GRID1: variants seen among roughly 807,000 people sequenced by gnomAD.
GRID1 encodes glutamate receptor ionotropic, delta-1.
A neutral mutation model predicts 98.0 loss-of-function variants in GRID1; 28 were observed. The ratio of observed to expected loss-of-function variants is 0.29; its 90% CI spans 0.21 to 0.39. The LOEUF is 0.39. Ranked by LOEUF, GRID1 falls within the 10% of genes least tolerant of loss-of-function variation. GRID1 has a pLI of 1.00. For synonymous variants in GRID1, 553 were observed against 538.5 expected (o/e 1.03, Z -0.37); for missense variants, 1,111 against 1,340.5 (o/e 0.83, Z 2.67).
intron 4 of GRID1, among the ~76,000 whole-genome samples, chr10:86,117,572 C>T (rs1844602545): frequency 6.6e-6 from 1 of 151,616 alleles, no homozygotes; most frequent in Non-Finnish European, 1.5e-5. Flanking sequence ...ACTGCTATCA[C>T]TATCACCACC....
At chr10:86,304,379 C>G (rs1164415636) in intron 2 of GRID1, among the ~76,000 whole-genome samples, 1 of 152,250 alleles carries the variant, frequency 6.6e-6, no homozygotes, top group Non-Finnish European at 1.5e-5. Context: ...CCACCCTCAG[C>G]TGCCTCACTC....
chr10:85,864,588 A>C lies in GRID1; in HGVS notation c.951+4422T>G, dbSNP rs117469238. Among the ~76,000 whole-genome samples, 58 of 152,318 alleles carry C rather than the reference A, an allele frequency of 3.8e-4. No individual in the cohort carries two copies. The East Asian group carries it at 0.01, about 27-fold the overall frequency. On this transcript the variant is annotated intron_variant, in intron 6 of 15. Transcript: ENST00000327946. ...AAGTAAACCATTGAAAGTGACATGA[A>C]ATCCAAGGTAGCTGGTATGGGGAGG... is the stretch of plus-strand genomic sequence containing the variant.
chr10:85,826,477 T>C (rs1378845801), intron 8 of GRID1, among the ~76,000 whole-genome samples: 1 of 152,144 alleles, frequency 6.6e-6, no homozygotes, highest in Non-Finnish European at 1.5e-5. Flanking sequence ...GTGAACATGT[T>C]CACAGATGCC....
At chr10:85,660,775 C>A (rs984895127) in intron 12 of GRID1, among the ~76,000 whole-genome samples, 1 of 152,094 alleles carries the variant, frequency 6.6e-6, no homozygotes, top group African/African-American at 2.4e-5. Context: ...GGGAACATGG[C>A]ACTTCCTTGC....
At position 85,785,158 on chromosome 10, in the gene GRID1, G is replaced by A. The variant is rs544661992; in HGVS notation, c.1234-55544C>T. On this transcript the variant is annotated intron_variant, in intron 8 of 15. Coordinates refer to ENST00000327946, the MANE Select transcript of GRID1 (RefSeq NM_017551.3). The stretch of plus-strand genomic sequence containing the variant: ...CTAGCAATCAGGAACACTCATTTTG[G>A]ATTTTACACGAATGAGAAATAAACT... Among the ~76,000 whole-genome samples, 17 of 152,322 alleles carry A rather than the reference G, an allele frequency of 1.1e-4. 1 individual carries two copies. The highest frequency in any genetic ancestry group is 5.9e-4 in the Admixed American group (9 of 15,296).
intron 5 of GRID1, among the ~76,000 whole-genome samples, chr10:85,902,880 C>G (rs1400167268): frequency 6.6e-6 from 1 of 152,124 alleles, no homozygotes; most frequent in Admixed American, 6.5e-5. Context: ...GGTTTCTTCA[C>G]TTGGCTTCTG....
intron 8 of GRID1, among the ~76,000 whole-genome samples, chr10:85,733,861 T>A: frequency 6.6e-6 from 1 of 152,226 alleles, no homozygotes; most frequent in East Asian, 1.9e-4. Flanking sequence ...GATACGTGGA[T>A]ATATGTGTTA....
At chr10:86,073,667 C>T (rs979561830) in intron 4 of GRID1, among the ~76,000 whole-genome samples, 4 of 152,188 alleles carry the variant, frequency 2.6e-5, no homozygotes, top group South Asian at 4.1e-4. Context: ...CATTGAGCTC[C>T]GGATCATAAG....
chr10:85,865,972 G>C (rs1456054711), intron 6 of GRID1, among the ~76,000 whole-genome samples: 1 of 105,046 alleles, frequency 9.5e-6, no homozygotes, highest in African/African-American at 3.7e-5. Flanking sequence ...GAGAGAGAGA[G>C]AGAGAGAGAG....
chr10:85,830,628 A>T (rs571173100), intron 8 of GRID1, among the ~76,000 whole-genome samples: 3 of 152,242 alleles, frequency 2.0e-5, no homozygotes, highest in Middle Eastern at 3.4e-3. Flanking sequence ...CAAGCAAAAG[A>T]CAACCCCATT....
intron 4 of GRID1, among the ~76,000 whole-genome samples, chr10:86,105,517 C>T (rs1259661772): frequency 6.6e-6 from 1 of 152,210 alleles, no homozygotes; most frequent in Admixed American, 6.5e-5. Flanking sequence ...GAGTCCTAGC[C>T]TTCTGAGGCA....
intron 4 of GRID1, among the ~76,000 whole-genome samples, chr10:86,083,422 T>A (rs1045856899): frequency 1.3e-5 from 2 of 152,216 alleles, no homozygotes; most frequent in African/African-American, 4.8e-5. Flanking sequence ...ATGGTGGTTT[T>A]GCACAATGTG....
At chr10:86,131,988 G>T (rs1282455179) in intron 4 of GRID1, among the ~76,000 whole-genome samples, 4 of 152,180 alleles carry the variant, frequency 2.6e-5, no homozygotes, top group African/African-American at 9.7e-5. Flanking sequence ...CAAGGAGGGA[G>T]ATGCAATAGA....
chr10:86,254,818 G>A (rs1846892797), intron 2 of GRID1, among the ~76,000 whole-genome samples: 1 of 152,242 alleles, frequency 6.6e-6, no homozygotes, highest in Non-Finnish European at 1.5e-5. Flanking sequence ...GTTCCTGCAA[G>A]CGAACCTGGC....
At chr10:85,962,204 CCCTTCCCTTCCCT>C (rs138729124) in intron 4 of GRID1, among the ~76,000 whole-genome samples, 2 of 152,188 alleles carry the variant, frequency 1.3e-5, no homozygotes, top group African/African-American at 2.4e-5. Context: ...GGGTCTGCCA[CCCTTCCCTTCCCT>C]CCTTCCCTTC....
At chr10:85,877,271 A>G (rs1410402007) in intron 5 of GRID1, among the ~76,000 whole-genome samples, 2 of 152,216 alleles carry the variant, frequency 1.3e-5, no homozygotes, top group East Asian at 1.9e-4. Flanking sequence ...CTCCCAGCAC[A>G]CAGCTGGAGA....
At chr10:85,782,697 C>T (rs915082828) in intron 8 of GRID1, among the ~76,000 whole-genome samples, 3 of 152,216 alleles carry the variant, frequency 2.0e-5, no homozygotes, top group South Asian at 2.1e-4. Flanking sequence ...AAGGCCCTGA[C>T]GTAGATGCAT....
intron 4 of GRID1, among the ~76,000 whole-genome samples, chr10:86,043,023 A>C (rs538820157): frequency 7.9e-5 from 12 of 152,206 alleles, no homozygotes; most frequent in African/African-American, 2.2e-4. Context: ...AGGTCAAGGC[A>C]GCAGCGAGCC....
rs1845633227 is a variant in GRID1, at chr10:86,180,054, T to C, written c.520+26310A>G. The stretch of plus-strand genomic sequence containing the variant: ...CCATCAACCTATGGCAGAAGCCAAG[T>C]CAAGAGTCTGGGAGCCAGTGGGCAG... On this transcript the variant is annotated intron_variant, in intron 3 of 15. Transcript: ENST00000327946. Among the ~76,000 whole-genome samples the C allele has an allele frequency of 2.0e-5, 3 of 152,038 alleles. No individual in the cohort carries two copies. In the South Asian group the frequency reaches 6.3e-4, roughly 32 times the overall value.
Sources: allele counts gnomAD v4.1 joint callset (sites outside exome capture counted in the v4.1 genomes callset), GRCh38; gene constraint gnomAD v4.1.1; transcripts MANE v1.5; gene names NCBI Gene and HGNC (gene_info 2026-07-23, HGNC 2026-07-21).